Variants in TASP1 observed in about 807,000 individuals in gnomAD.
The protein encoded by TASP1 is threonine aspartase 1.
In TASP1, 16 loss-of-function variants were observed where a neutral mutation model predicts 56.6. That is an observed-to-expected ratio of 0.28 (90% CI 0.19 to 0.43). The LOEUF (loss-of-function observed/expected upper bound fraction) is 0.43, where lower values mean the gene tolerates loss of function less well. TASP1 is among the 20% of genes least tolerant of loss of function. The probability of loss-of-function intolerance (pLI) is 1.00; values close to 1 mark genes in which losing one functional copy is unlikely to be tolerated. For missense variants in TASP1, 393 were observed against 511.6 expected, an observed-to-expected ratio of 0.77 and a Z score of 2.24; for synonymous variants, 179 against 184.2, an observed-to-expected ratio of 0.97 and a Z score of 0.23.
At chr20:13,169,712 A>G in the TASP1 span, among the ~76,000 whole-genome samples, 1 of 152,202 alleles carries the variant, frequency 6.6e-6, no homozygotes, top group Non-Finnish European at 1.5e-5. Flanking sequence ...AGAAAATGTT[A>G]AACATACGTA....
chr20:13,264,702 A>T, the TASP1 span, among the ~76,000 whole-genome samples: 1 of 152,198 alleles, frequency 6.6e-6, no homozygotes, highest in Non-Finnish European at 1.5e-5. Flanking sequence ...CAGTGGCTGG[A>T]GGCAGTGATT....
intron 11 of TASP1, among the ~76,000 whole-genome samples, chr20:13,479,195 G>T (rs946568645): frequency 6.6e-6 from 1 of 152,000 alleles, no homozygotes; most frequent in South Asian, 2.1e-4. Flanking sequence ...AGGGGTTATT[G>T]AACTTAATTG....
the TASP1 span, among the ~76,000 whole-genome samples, chr20:13,311,241 G>GATAGATAGATAGATAGATAC: frequency 1.0e-5 from 1 of 98,876 alleles, no homozygotes; most frequent in Admixed American, 1.1e-4. Flanking sequence ...TAGATAGATA[G>GATAGATAGATAGATAGATAC]ATGATAGATA....
At chr20:13,343,370 C>G in the TASP1 span, among the ~76,000 whole-genome samples, 2 of 152,246 alleles carry the variant, frequency 1.3e-5, no homozygotes, top group Non-Finnish European at 2.9e-5. Flanking sequence ...TCTCCAGGTA[C>G]TTGGTTTTTG....
the TASP1 span, among the ~76,000 whole-genome samples, chr20:13,161,330 T>C: frequency 6.6e-6 from 1 of 152,220 alleles, no homozygotes; most frequent in East Asian, 1.9e-4. Flanking sequence ...GTTGAGACTA[T>C]GTGTCCATGG....
At chr20:13,218,589 C>T in the TASP1 span, among the ~76,000 whole-genome samples, 1 of 152,210 alleles carries the variant, frequency 6.6e-6, no homozygotes, top group Non-Finnish European at 1.5e-5. Flanking sequence ...GCTCTGGACG[C>T]TCTGCTGAAG....
At chr20:13,400,103 G>A (rs911829455) in intron 13 of TASP1, among the ~76,000 whole-genome samples, 2 of 152,090 alleles carry the variant, frequency 1.3e-5, no homozygotes, top group East Asian at 1.9e-4. Flanking sequence ...ACATAGTATA[G>A]GCCTTACTTA....
At chr20:13,505,838 A>G (rs572214415) in intron 10 of TASP1, among the ~76,000 whole-genome samples, 1 of 152,238 alleles carries the variant, frequency 6.6e-6, no homozygotes, top group African/African-American at 2.4e-5. Context: ...CTAATTTTAT[A>G]CTTCAATAAA....
At chr20:13,243,860 T>G in the TASP1 span, among the ~76,000 whole-genome samples, 1 of 152,206 alleles carries the variant, frequency 6.6e-6, no homozygotes, top group Non-Finnish European at 1.5e-5. Context: ...ATTTCTGCAG[T>G]TAGAATAGCA....
chr20:13,517,576 C>A (rs2146771537), intron 10 of TASP1, among the ~76,000 whole-genome samples: 1 of 152,076 alleles, frequency 6.6e-6, no homozygotes, highest in Middle Eastern at 3.4e-3. Flanking sequence ...TTTCCCAAAT[C>A]CTATCAATGA....
intron 8 of TASP1, among the ~76,000 whole-genome samples, chr20:13,544,457 A>G (rs1444573610): frequency 6.6e-6 from 1 of 152,210 alleles, no homozygotes; most frequent in Non-Finnish European, 1.5e-5. Context: ...TTCAAGAGAG[A>G]AGAAGAGAAC....
At chr20:13,292,509 G>A in the TASP1 span, 28 of 1,228,128 alleles carry the variant, frequency 2.3e-5, no homozygotes, top group South Asian at 1.5e-4. Context: ...TTAGTGCCTC[G>A]GAGATTCCTT....
the TASP1 span, among the ~76,000 whole-genome samples, chr20:13,301,576 G>A: frequency 6.6e-6 from 1 of 152,142 alleles, no homozygotes; most frequent in South Asian, 2.1e-4. Flanking sequence ...TCTAATCACG[G>A]AATGAGAAGA....
At chr20:13,123,913 A>C in the TASP1 span, among the ~76,000 whole-genome samples, 1 of 151,904 alleles carries the variant, frequency 6.6e-6, no homozygotes, top group Non-Finnish European at 1.5e-5. Flanking sequence ...CTCAATAGAG[A>C]AAGGCAATCC....
At chr20:13,383,199 A>G in the TASP1 span, among the ~76,000 whole-genome samples, 3 of 152,226 alleles carry the variant, frequency 2.0e-5, no homozygotes, top group African/African-American at 7.2e-5. Flanking sequence ...AGGTGCCATG[A>G]TCTTACTCCT....
the TASP1 span, among the ~76,000 whole-genome samples, chr20:13,257,556 A>G: frequency 2.6e-5 from 4 of 152,008 alleles, no homozygotes; most frequent in Admixed American, 6.6e-5. Flanking sequence ...TTTCATTCCT[A>G]ACTTCTCCCC....
chr20:13,266,322 AAGTT>A, the TASP1 span, among the ~76,000 whole-genome samples: 2 of 152,334 alleles, frequency 1.3e-5, no homozygotes, highest in African/African-American at 4.8e-5. Flanking sequence ...TGTTTTTGAT[AAGTT>A]CTAAAATAAT....
At chr20:13,217,064 G>A in the TASP1 span, among the ~76,000 whole-genome samples, 1 of 152,160 alleles carries the variant, frequency 6.6e-6, no homozygotes, top group Admixed American at 6.5e-5. Flanking sequence ...CCCAGAAAAC[G>A]TCTCTGGCTG....
the TASP1 span, among the ~76,000 whole-genome samples, chr20:13,223,188 A>AAAATAAAT: frequency 1.4e-3 from 208 of 147,280 alleles, no homozygotes; most frequent in African/African-American, 4.8e-3. Context: ...AAAATAAAAT[A>AAAATAAAT]AAATAAATAA....
Sources: gnomAD v4.1 joint callset for allele counts (sites outside exome capture counted in the v4.1 genomes callset) on GRCh38, gnomAD v4.1.1 for gene constraint, MANE v1.5 for transcripts, NCBI Gene and HGNC (gene_info 2026-07-23, HGNC 2026-07-21) for gene names.